PNKD: variants seen among roughly 807,000 people sequenced by gnomAD.
PNKD encodes probable thioesterase PNKD.
In PNKD, 36 loss-of-function variants were observed where a neutral mutation model predicts 45.3. The observed-to-expected ratio is 0.80, with a 90% CI of 0.61 to 1.05. The LOEUF is 1.05. Ranked by LOEUF, PNKD falls within the 50% of genes least tolerant of loss-of-function variation. The probability of loss-of-function intolerance (pLI) is 0.00; values close to 1 mark genes in which losing one functional copy is unlikely to be tolerated. For missense variants in PNKD, 511 were observed against 506.6 expected, an observed-to-expected ratio of 1.01 and a Z score of -0.08; for synonymous variants, 197 against 210.1, an observed-to-expected ratio of 0.94 and a Z score of 0.54.
rs1694161177 is a variant in PNKD, at chr2:218,326,635, TG to T, written c.237-13147del. ...TTCAGGAAATGTTAGCAGGTGTTCC[TG>T]ATGTGGCCTGGAGTTGGGTGGGAGA... On this transcript the variant is annotated intron_variant, in intron 2 of 9. Coordinates refer to ENST00000273077, the MANE Select transcript of PNKD (RefSeq NM_015488.5). This position sits in a 1 kb window ranked among gnomAD's most constrained non-coding sequence, Gnocchi z 4.1. 6.6e-6 allele frequency among the ~76,000 whole-genome samples: 1 copy of T among 152,164 alleles called. No homozygotes were observed. Among genetic ancestry groups the T allele is most frequent in the Admixed American group, 6.5e-5 (1 of 15,278 alleles).
At chr2:218,312,074 A>G (rs1347794852) in intron 2 of PNKD, among the ~76,000 whole-genome samples, 4 of 152,344 alleles carry the variant, frequency 2.6e-5, no homozygotes, top group African/African-American at 7.2e-5. Flanking sequence ...ATTACAGCAC[A>G]TGTTTCTGTG....
intron 2 of PNKD, among the ~76,000 whole-genome samples, chr2:218,324,712 CT>C (rs1694094351): frequency 6.6e-6 from 1 of 151,730 alleles, no homozygotes; most frequent in African/African-American, 2.4e-5. Flanking sequence ...AGGCAGGTGG[CT>C]CTCCTGAGGT....
rs1694799790 is a variant in PNKD, at chr2:218,345,206, A to T, written c.*225A>T. 1 of 567,098 alleles carries T rather than the reference A, an allele frequency of 1.8e-6. No individual in the cohort carries two copies. The highest frequency in any genetic ancestry group is 3.1e-6 in the Non-Finnish European group (1 of 318,926). The allele number at this position is 567,098 out of a possible 1,614,324, so 35.1% of individuals were successfully genotyped here. A position where few individuals can be genotyped will look rare whatever the true frequency, so the allele number is the denominator to read the frequency against. ...GAACCCCGCAGCGCGAGGCTGCCTC[A>T]TCAACGGCAAGAGGAAAGGAGGGGT... On this transcript the variant is annotated 3_prime_UTR_variant, in exon 10 of 10. Transcript: ENST00000273077.
chr2:218,299,022 A>G (rs973369901), intron 2 of PNKD, among the ~76,000 whole-genome samples: 3 of 151,942 alleles, frequency 2.0e-5, no homozygotes, highest in Admixed American at 2.0e-4. Flanking sequence ...ACCACCATCT[A>G]TTTTTCCAGC....
chr2:218,305,342 CT>C (rs1693378195), intron 2 of PNKD, among the ~76,000 whole-genome samples: 1 of 151,874 alleles, frequency 6.6e-6, no homozygotes, highest in Non-Finnish European at 1.5e-5. Flanking sequence ...TTGTTTTTGC[CT>C]GTTAGTTTGT....
At chr2:218,273,291 G>GACAAAAA in intron 2 of PNKD, among the ~76,000 whole-genome samples, 1 of 151,452 alleles carries the variant, frequency 6.6e-6, no homozygotes, top group Non-Finnish European at 1.5e-5. Flanking sequence ...TGTTTTTTGA[G>GACAAAAA]ACGGAGTCTC....
intron 2 of PNKD, among the ~76,000 whole-genome samples, chr2:218,308,327 T>C (rs1288364604): frequency 6.7e-6 from 1 of 148,252 alleles, no homozygotes; most frequent in African/African-American, 2.5e-5. Flanking sequence ...GCTGGGATGA[T>C]TCAGGCACCC....
chr2:218,276,959 C>T (rs373611186), intron 2 of PNKD: 13 of 1,543,560 alleles, frequency 8.4e-6, no homozygotes, highest in Middle Eastern at 1.7e-4. Context: ...GGAAGTCTGC[C>T]CTGAGCACTG....
At chr2:218,337,652 C>A (rs151104206) in intron 2 of PNKD, among the ~76,000 whole-genome samples, 1 of 152,180 alleles carries the variant, frequency 6.6e-6, no homozygotes. Flanking sequence ...GGTGTGCACT[C>A]GCCTTGTACT....
intron 2 of PNKD, among the ~76,000 whole-genome samples, chr2:218,324,318 G>A (rs1322449743): frequency 3.3e-5 from 5 of 152,168 alleles, no homozygotes; most frequent in East Asian, 1.9e-4. Context: ...TGAGAGCCCT[G>A]GCCACAGGCC....
intron 2 of PNKD, among the ~76,000 whole-genome samples, chr2:218,334,335 T>C (rs1212373908): frequency 1.3e-5 from 2 of 152,044 alleles, no homozygotes; most frequent in Non-Finnish European, 1.5e-5. Context: ...CTTTCTCTGA[T>C]CTAGAATCCA....
intron 7 of PNKD, 92 bp from the exon 8 acceptor site, chr2:218,343,408 C>G (rs1201541974): frequency 1.0e-6 from 1 of 981,786 alleles, no homozygotes; most frequent in Non-Finnish European, 1.6e-6. Context: ...CCAGCCAGAG[C>G]ATTACAAGCT....
chr2:218,270,557 A>G lies in PNKD; in HGVS notation c.22A>G (p.Thr8Ala). 8.1e-7 allele frequency: 1 copy of G among 1,231,712 alleles called. No homozygotes were observed. Among genetic ancestry groups the G allele is most frequent in the Non-Finnish European group, 1.0e-6 (1 of 954,498 alleles). The allele number at this position is 1,231,712 out of a possible 1,614,324, so 76.3% of individuals were successfully genotyped here. Reference protein sequence around the residue: MAAVVAATALKGRGARNA... With the variant: MAAVVAAAALKGRGARNA... ...GAACATGGCGGCGGTGGTAGCTGCT[A>G]CGGCGCTGAAGGGCCGGGGGGCGAG... Residue 8 changes from threonine (T) to alanine (A), a missense_variant, in exon 1 of 10, where the codon ACG (threonine) becomes GCG (alanine). Coordinates refer to ENST00000273077, the MANE Select transcript of PNKD (RefSeq NM_015488.5).
At position 218,315,711 on chromosome 2, in the gene PNKD, C is replaced by T. The variant is rs575155451; in HGVS notation, c.237-24072C>T. ...TGTGGTTTAATTTTATATCCTTAACCCTTTAATTCGGGTAGAATTTATTTT... is the reference window on the plus strand; with the variant it reads ...TGTGGTTTAATTTTATATCCTTAACTCTTTAATTCGGGTAGAATTTATTTT... On this transcript the variant is annotated intron_variant, in intron 2 of 9. Coordinates refer to ENST00000273077, the MANE Select transcript of PNKD (RefSeq NM_015488.5). 6.6e-5 allele frequency among the ~76,000 whole-genome samples: 10 copies of T among 152,278 alleles called. No homozygotes were observed. The South Asian group carries it at 2.1e-3, about 32-fold the overall frequency.
intron 2 of PNKD, among the ~76,000 whole-genome samples, chr2:218,335,113 C>T (rs1694449040): frequency 6.6e-6 from 1 of 151,778 alleles, no homozygotes; most frequent in Non-Finnish European, 1.5e-5. Context: ...ACTGAGCCAC[C>T]ACACTCCAGC....
At chr2:218,277,946 G>T in intron 2 of PNKD, 1 of 1,614,204 alleles carries the variant, frequency 6.2e-7, no homozygotes, top group African/African-American at 1.3e-5. Context: ...AAAAGGGTCA[G>T]CAGAATGATG....
At chr2:218,272,749 G>C in intron 2 of PNKD, 1 of 1,614,050 alleles carries the variant, frequency 6.2e-7, no homozygotes. Flanking sequence ...GTTGGGTCTG[G>C]GGTGCAGACC....
At chr2:218,298,963 A>G (rs1486359946) in intron 2 of PNKD, among the ~76,000 whole-genome samples, 1 of 151,980 alleles carries the variant, frequency 6.6e-6, no homozygotes, top group East Asian at 1.9e-4. Context: ...TCTCCTTACC[A>G]ATAACTGCAC....
intron 2 of PNKD, among the ~76,000 whole-genome samples, chr2:218,297,765 C>T (rs1244744435): frequency 6.6e-6 from 1 of 150,672 alleles, no homozygotes; most frequent in Non-Finnish European, 1.5e-5. Flanking sequence ...TTTGAGAGGC[C>T]GAGGCGGGCA....
Sources: allele counts gnomAD v4.1 joint callset (sites outside exome capture counted in the v4.1 genomes callset), GRCh38; gene constraint gnomAD v4.1.1; non-coding constraint Gnocchi (gnomAD v3.1); transcripts MANE v1.5; gene names NCBI Gene and HGNC (gene_info 2026-07-23, HGNC 2026-07-21).